The following QSER1 variants were observed in gnomAD, a reference collection of about 807,000 sequenced individuals.
The protein encoded by QSER1 is glutamine and serine-rich protein 1.
Under a neutral mutation model 158.5 loss-of-function variants are expected in QSER1, and 49 were observed. The ratio of observed to expected loss-of-function variants is 0.31; its 90% CI spans 0.25 to 0.39. QSER1 has a LOEUF of 0.39. QSER1 is among the 10% of genes least tolerant of loss of function. QSER1 has a pLI of 1.00. For synonymous variants in QSER1, 650 were observed against 715.5 expected, an observed-to-expected ratio of 0.91 and a Z score of 1.46; for missense variants, 1,754 against 2,010.3, an observed-to-expected ratio of 0.87 and a Z score of 2.44.
At chr11:32,974,036 T>G (rs1852923002) in intron 11 of QSER1, among the ~76,000 whole-genome samples, 1 of 152,240 alleles carries the variant, frequency 6.6e-6, no homozygotes, top group Non-Finnish European at 1.5e-5. Flanking sequence ...TGCAAAGTCA[T>G]TAAAATTGGA....
At position 32,964,731 on chromosome 11, in the gene QSER1, T is replaced by TACAC. The variant is rs1356506353; in HGVS notation, c.4970-1568_4970-1567insCACA. Among the ~76,000 whole-genome samples, 65 of 113,080 alleles carry TACAC rather than the reference T, an allele frequency of 5.7e-4. 2 individuals carry two copies. The highest frequency in any genetic ancestry group is 5.2e-3 in the South Asian group (18 of 3,470). 74.2% of individuals were successfully genotyped at this position (113,080 alleles called of 152,430 possible). ...AAAAAAAACACCATATATATATATA[T>TACAC]ATATATATACACACACACACACACA... On this transcript the variant is annotated intron_variant, in intron 8 of 12. Coordinates refer to ENST00000650167, the MANE Select transcript of QSER1 (RefSeq NM_001076786.3).
intron 1 of QSER1, among the ~76,000 whole-genome samples, chr11:32,921,695 A>G (rs1314795244): frequency 6.6e-6 from 1 of 152,212 alleles, no homozygotes; most frequent in Non-Finnish European, 1.5e-5. Flanking sequence ...AAGATGGTAT[A>G]GTTTTTCCCA....
At chr11:32,966,478 G>A (rs1216007611) in intron 9 of QSER1, 41 bp downstream of exon 9, 3 of 1,562,948 alleles carry the variant, frequency 1.9e-6, no homozygotes, top group African/African-American at 2.8e-5. Context: ...AGTACTTCCT[G>A]GAATTAAAAA....
At chr11:32,961,165 C>T (rs2133592840) in intron 8 of QSER1, among the ~76,000 whole-genome samples, 1 of 152,122 alleles carries the variant, frequency 6.6e-6, no homozygotes. Context: ...GTTATTTTGG[C>T]TAAAGTATCA....
chr11:32,952,949 C>T (rs1477059908), intron 4 of QSER1, among the ~76,000 whole-genome samples: 10 of 151,654 alleles, frequency 6.6e-5, no homozygotes, highest in Admixed American at 4.6e-4. Flanking sequence ...ATTAAAGGCG[C>T]GCACCACCAC....
chr11:32,964,810 C>G (rs1422692229), intron 8 of QSER1, among the ~76,000 whole-genome samples: 1 of 148,132 alleles, frequency 6.8e-6, no homozygotes, highest in Non-Finnish European at 1.5e-5. Context: ...ACACTATATA[C>G]CCACAACATT....
At chr11:32,899,331 T>C (rs189383459) in intron 1 of QSER1, among the ~76,000 whole-genome samples, 1 of 152,126 alleles carries the variant, frequency 6.6e-6, no homozygotes, top group African/African-American at 2.4e-5. Context: ...TACCCTGTAG[T>C]TGGGACCAAG....
chr11:32,903,104 G>A (rs1851646054), intron 1 of QSER1, among the ~76,000 whole-genome samples: 1 of 152,076 alleles, frequency 6.6e-6, no homozygotes, highest in African/African-American at 2.4e-5. Context: ...GGGTCTTTGG[G>A]ATTTAACATT....
At position 32,893,597 on chromosome 11, in the gene QSER1, G is replaced by A. The variant is rs1590700697; in HGVS notation, c.209+263G>A. On this transcript the variant is annotated intron_variant, in intron 1 of 12. Coordinates refer to ENST00000650167, the MANE Select transcript of QSER1 (RefSeq NM_001076786.3). The surrounding 1 kb of genome is among the most constrained non-coding windows in gnomAD (Gnocchi z 4.7). ...AGTCGTGGGGCTCCGTCACCTCTTGGGTCCTGGGCTCTCACATGGTGAAGT... is the reference window on the plus strand; with the variant it reads ...AGTCGTGGGGCTCCGTCACCTCTTGAGTCCTGGGCTCTCACATGGTGAAGT... Among the ~76,000 whole-genome samples, 2 of 152,180 alleles carry A rather than the reference G, an allele frequency of 1.3e-5. No homozygotes were observed. The highest frequency in any genetic ancestry group is 4.1e-4 in the South Asian group (2 of 4,834).
At chr11:32,948,311 T>G (rs1228148502) in intron 4 of QSER1, among the ~76,000 whole-genome samples, 1 of 152,232 alleles carries the variant, frequency 6.6e-6, no homozygotes, top group African/African-American at 2.4e-5. Flanking sequence ...TAATTGAGTA[T>G]TAAATTAAAC....
intron 3 of QSER1, among the ~76,000 whole-genome samples, chr11:32,928,954 TTTAG>T (rs1379520617): frequency 1.3e-5 from 2 of 152,182 alleles, no homozygotes; most frequent in African/African-American, 2.4e-5. Context: ...ATTTCATGTA[TTTAG>T]TTAGATTTTC....
chr11:32,946,694 C>T (rs1174257180), intron 4 of QSER1, among the ~76,000 whole-genome samples: 1 of 152,118 alleles, frequency 6.6e-6, no homozygotes, highest in Admixed American at 6.5e-5. Context: ...TTTGTCTGTA[C>T]CCTGCCCCCA....
chr11:32,932,652 T>C lies in QSER1; in HGVS notation c.1394T>C (p.Leu465Ser). ...TCTACAGCGCAGCTACCAAGCCTTT[T>C]ATCAGTTAGTCAGTCCCAAAATTAC... Reference protein sequence around the residue: ...IYSTAQLPSLLSVSQSQNYGL... With the variant: ...IYSTAQLPSLSSVSQSQNYGL... Residue 465 changes from leucine (L) to serine (S), a missense_variant, in exon 4 of 13, where the codon TTA becomes TCA. By Grantham distance (145) the Leu-to-Ser change is moderately radical. Around this residue, in one of 2 missense-constraint regions of QSER1, gnomAD observed 1,707 missense variants for 1,919.6 expected, o/e 0.89. Coordinates refer to ENST00000650167, the MANE Select transcript of QSER1 (RefSeq NM_001076786.3). 2 of 1,614,178 alleles carry C rather than the reference T, an allele frequency of 1.2e-6. No individual in the cohort carries two copies. Among genetic ancestry groups the C allele is most frequent in the Non-Finnish European group, 1.7e-6 (2 of 1,180,028 alleles).
At chr11:32,902,272 C>T (rs1851635529) in intron 1 of QSER1, among the ~76,000 whole-genome samples, 1 of 152,178 alleles carries the variant, frequency 6.6e-6, no homozygotes, top group African/African-American at 2.4e-5. Flanking sequence ...CCTTCCCTGG[C>T]AGGATCTTGC....
At chr11:32,946,697 T>C (rs546071260) in intron 4 of QSER1, among the ~76,000 whole-genome samples, 112 of 152,256 alleles carry the variant, frequency 7.4e-4, no homozygotes, top group African/African-American at 2.6e-3. Flanking sequence ...GTCTGTACCC[T>C]GCCCCCAGAG....
chr11:32,943,200 C>T lies in QSER1; in HGVS notation c.4177+7765C>T, dbSNP rs144477204. On this transcript the variant is annotated intron_variant, in intron 4 of 12. Coordinates refer to ENST00000650167, the MANE Select transcript of QSER1 (RefSeq NM_001076786.3). ...GCAAACAGGGACAATTTGACTTCCT[C>T]TTTTCCTAATTCAATACCCTTTATT... Among the ~76,000 whole-genome samples, 772 of 152,226 alleles carry T rather than the reference C, an allele frequency of 5.1e-3. 4 individuals carry two copies. Among genetic ancestry groups the T allele is most frequent in the Non-Finnish European group, 8.1e-3 (551 of 68,034 alleles).
At chr11:32,894,988 G>T (rs183527118) in intron 1 of QSER1, among the ~76,000 whole-genome samples, 8 of 152,100 alleles carry the variant, frequency 5.3e-5, no homozygotes, top group Admixed American at 5.2e-4. Flanking sequence ...TATTTGTGCC[G>T]CATTTTTTAT....
rs548838220 is a variant in QSER1, at chr11:32,954,157, T to C, written c.4478T>C (p.Ile1493Thr). The change falls in exon 5 of 13, where the codon ATA becomes ACA. Residue 1493 changes from isoleucine (I) to threonine (T), a missense_variant. Transcript: ENST00000650167. Reference protein sequence around the residue: ...YRERDEFVVKIEDIETFKEAL... With the variant: ...YRERDEFVVKTEDIETFKEAL... ...GAGCGTGATGAATTTGTGGTAAAGA[T>C]AGAAGACATAGAGACTTTTAAGGTG... 3.7e-6 allele frequency: 6 copies of C among 1,613,302 alleles called. No individual in the cohort carries two copies. The highest frequency in any genetic ancestry group is 2.2e-5 in the East Asian group (1 of 44,874).
At chr11:32,905,329 C>T (rs886812059) in intron 1 of QSER1, among the ~76,000 whole-genome samples, 8 of 152,210 alleles carry the variant, frequency 5.3e-5, no homozygotes, top group Non-Finnish European at 7.3e-5. Context: ...AATTAGATGG[C>T]TTAACGTTTT....
Sources: gnomAD v4.1 joint callset for allele counts (sites outside exome capture counted in the v4.1 genomes callset) on GRCh38, gnomAD v4.1.1 for gene constraint, gnomAD v4.1.1 regional missense constraint, Gnocchi (gnomAD v3.1) non-coding constraint, MANE v1.5 for transcripts, NCBI Gene and HGNC (gene_info 2026-07-23, HGNC 2026-07-21) for gene names.